Variants in MAGI1 observed in about 807,000 individuals in gnomAD.
MAGI1 encodes the protein membrane-associated guanylate kinase, WW and PDZ domain-containing protein 1.
A neutral mutation model predicts 139.9 loss-of-function variants in MAGI1; 58 were observed. The ratio of observed to expected loss-of-function variants is 0.41; its 90% CI spans 0.34 to 0.52. The LOEUF is 0.52. Among genes scored for constraint, MAGI1 ranks in the 20% least tolerant of loss-of-function variants. The probability of loss-of-function intolerance (pLI) is 0.12; values close to 1 mark genes in which losing one functional copy is unlikely to be tolerated. For synonymous variants in MAGI1, 812 were observed against 737.9 expected (o/e 1.10, Z -1.63); for missense variants, 1,874 against 1,901.6 (o/e 0.99, Z 0.27).
intron 1 of MAGI1, among the ~76,000 whole-genome samples, chr3:65,862,479 A>G (rs1156299249): frequency 1.3e-5 from 2 of 152,152 alleles, no homozygotes; most frequent in East Asian, 3.9e-4. Context: ...TTAATTTGCC[A>G]TAAACAGCAG....
At chr3:65,928,075 T>C (rs2062610328) in intron 1 of MAGI1, among the ~76,000 whole-genome samples, 1 of 152,140 alleles carries the variant, frequency 6.6e-6, no homozygotes, top group South Asian at 2.1e-4. Flanking sequence ...GCAACACGAG[T>C]TACTTTTACA....
intron 1 of MAGI1, among the ~76,000 whole-genome samples, chr3:65,686,602 T>G (rs761585394): frequency 5.9e-5 from 9 of 152,122 alleles, no homozygotes; most frequent in Non-Finnish European, 1.2e-4. Flanking sequence ...TGTAGGGTTG[T>G]TTTCTAAATG....
At chr3:65,619,737 A>T in intron 2 of MAGI1, 1 of 439,162 alleles carries the variant, frequency 2.3e-6, no homozygotes, top group Non-Finnish European at 3.0e-6. Flanking sequence ...AAGAATCCCA[A>T]GTAAGCCCCA....
At chr3:65,807,929 A>G (rs1290593292) in intron 1 of MAGI1, among the ~76,000 whole-genome samples, 3 of 152,090 alleles carry the variant, frequency 2.0e-5, no homozygotes, top group Non-Finnish European at 4.4e-5. Flanking sequence ...ATTTAAAATG[A>G]GACCCAGCCA....
intron 12 of MAGI1, among the ~76,000 whole-genome samples, chr3:65,422,706 G>A (rs1403083374): frequency 5.3e-5 from 8 of 152,070 alleles, no homozygotes; most frequent in South Asian, 4.2e-4. Context: ...GACAGTGATC[G>A]TGGGAGATGC....
intron 1 of MAGI1, among the ~76,000 whole-genome samples, chr3:65,761,712 C>T (rs1476006487): frequency 2.6e-5 from 4 of 152,114 alleles, no homozygotes; most frequent in Non-Finnish European, 5.9e-5. Context: ...TGCACAATTT[C>T]GTGTTAATCA....
At chr3:65,859,975 A>G (rs773913599) in intron 1 of MAGI1, among the ~76,000 whole-genome samples, 1 of 150,930 alleles carries the variant, frequency 6.6e-6, no homozygotes, top group Non-Finnish European at 1.5e-5. Flanking sequence ...GGCTCACTGC[A>G]ACCTCTGCCT....
intron 2 of MAGI1, among the ~76,000 whole-genome samples, chr3:65,619,183 G>C (rs1576499361): frequency 6.6e-6 from 1 of 152,276 alleles, no homozygotes; most frequent in East Asian, 1.9e-4. Context: ...CAGCAGATGA[G>C]GAATGAGTAA....
At chr3:65,497,522 A>G (rs1952542270) in intron 2 of MAGI1, among the ~76,000 whole-genome samples, 1 of 152,178 alleles carries the variant, frequency 6.6e-6, no homozygotes, top group Admixed American at 6.5e-5. Flanking sequence ...TATGTTCTAT[A>G]TGGCAACTCT....
intron 1 of MAGI1, among the ~76,000 whole-genome samples, chr3:65,728,736 A>G (rs1251294247): frequency 6.6e-6 from 1 of 152,168 alleles, no homozygotes; most frequent in Non-Finnish European, 1.5e-5. Context: ...TTAAAAAATT[A>G]TTTTGTCTAG....
At chr3:65,683,671 T>TATAC (rs1181987863) in intron 1 of MAGI1, among the ~76,000 whole-genome samples, 19 of 88,440 alleles carry the variant, frequency 2.1e-4, no homozygotes, top group Non-Finnish European at 3.8e-4. Context: ...TATATATATA[T>TATAC]ATATATGTAT....
chr3:65,366,478 C>G (rs1365290767), intron 18 of MAGI1, among the ~76,000 whole-genome samples: 5 of 152,194 alleles, frequency 3.3e-5, no homozygotes, highest in Non-Finnish European at 7.3e-5. Flanking sequence ...TGAGTCTTTA[C>G]TACACCAATA....
intron 2 of MAGI1, among the ~76,000 whole-genome samples, chr3:65,544,165 T>A (rs1407069716): frequency 6.6e-6 from 1 of 152,220 alleles, no homozygotes; most frequent in Non-Finnish European, 1.5e-5. Context: ...CCTTTTATAT[T>A]TTTATATTTT....
At chr3:65,738,694 T>C (rs537908622) in intron 1 of MAGI1, among the ~76,000 whole-genome samples, 4 of 152,344 alleles carry the variant, frequency 2.6e-5, no homozygotes, top group East Asian at 1.9e-4. Flanking sequence ...TTCATCTCCA[T>C]GTACATCTCC....
chr3:65,950,634 GA>G (rs1240364775), intron 1 of MAGI1, among the ~76,000 whole-genome samples: 1 of 151,808 alleles, frequency 6.6e-6, no homozygotes, highest in Non-Finnish European at 1.5e-5. Context: ...TTGCTCAAAG[GA>G]AAAAAAATTA....
rs1016633714 is a variant in MAGI1, at chr3:65,966,633, C to T, written c.313+71363G>A. 9.2e-5 allele frequency among the ~76,000 whole-genome samples: 14 copies of T among 151,980 alleles called. 1 individual carries two copies. The highest frequency in any genetic ancestry group is 6.2e-4 in the South Asian group (3 of 4,820). ...GGGGGGAGCGGGGAGAGTGGGGGCG[C>T]GGCCAAAGCCTAGAGATTATGGCCA... is the stretch of plus-strand genomic sequence containing the variant. On this transcript the variant is annotated intron_variant, in intron 1 of 22. Coordinates refer to ENST00000402939, the MANE Select transcript of MAGI1 (RefSeq NM_001033057.2).
chr3:65,465,883 T>C (rs1355376015), intron 5 of MAGI1, among the ~76,000 whole-genome samples: 1 of 152,200 alleles, frequency 6.6e-6, no homozygotes, highest in East Asian at 1.9e-4. Flanking sequence ...CTGTTCCAAA[T>C]GCCCCTGAAG....
At chr3:65,966,950 T>A (rs1442186432) in intron 1 of MAGI1, among the ~76,000 whole-genome samples, 2 of 152,210 alleles carry the variant, frequency 1.3e-5, no homozygotes, top group Non-Finnish European at 2.9e-5. Context: ...GTGTCGTACA[T>A]GTATTAATAC....
chr3:65,778,451 A>AAAAAAAAAAAAAAAG (rs1180962724), intron 1 of MAGI1, among the ~76,000 whole-genome samples: 2 of 61,364 alleles, frequency 3.3e-5, no homozygotes, highest in South Asian at 4.1e-4. Context: ...AAAATAAATA[A>AAAAAAAAAAAAAAAG]ATAAGTCTTT....
Sources: gnomAD v4.1 joint callset for allele counts (sites outside exome capture counted in the v4.1 genomes callset) on GRCh38, gnomAD v4.1.1 for gene constraint, MANE v1.5 for transcripts, NCBI Gene and HGNC (gene_info 2026-07-23, HGNC 2026-07-21) for gene names.